GPAM: variants seen among roughly 807,000 people sequenced by gnomAD.
The protein encoded by GPAM is glycerol-3-phosphate acyltransferase 1, mitochondrial.
Under a neutral mutation model 105.0 loss-of-function variants are expected in GPAM, and 56 were observed. The ratio of observed to expected loss-of-function variants is 0.53; its 90% confidence interval spans 0.43 to 0.67. The LOEUF (loss-of-function observed/expected upper bound fraction) is 0.67. Ranked by LOEUF, GPAM falls within the 30% of genes least tolerant of loss-of-function variation. The pLI, the probability that GPAM is intolerant of heterozygous loss-of-function variation, is 0.00. For synonymous variants in GPAM, 368 were observed against 354.4 expected (o/e 1.04, Z -0.43); for missense variants, 855 against 989.8 (o/e 0.86, Z 1.83).
the GPAM span, among the ~76,000 whole-genome samples, chr10:112,222,715 T>C: frequency 6.6e-6 from 1 of 152,172 alleles, no homozygotes; most frequent in Non-Finnish European, 1.5e-5. Flanking sequence ...TATATTTGCT[T>C]GTTCAGGTGT....
At chr10:112,164,652 G>A (rs774532378) in intron 12 of GPAM, 42 bp from the exon 13 acceptor site, 18 of 995,074 alleles carry the variant, frequency 1.8e-5, no homozygotes, top group East Asian at 9.5e-5. Context: ...CCTCACTTTC[G>A]CACCAACATA....
At position 112,159,915 on chromosome 10, in the gene GPAM, G is replaced by C; in HGVS notation, c.1898C>G (p.Ser633Ter). 6.2e-7 allele frequency: 1 copy of C among 1,613,698 alleles called. No homozygotes were observed. Among genetic ancestry groups the C allele is most frequent in the Non-Finnish European group, 8.5e-7 (1 of 1,179,708 alleles). Residue 633 changes from serine (S) to a stop codon, truncating the protein, a stop_gained, in exon 17 of 22, where the codon TCA (serine) becomes TGA (stop). Coordinates refer to ENST00000348367, the MANE Select transcript of GPAM (RefSeq NM_001244949.2). LOFTEE classifies it high-confidence loss of function. ...CYLLSNEGTI[S>*]LPCQTFYQVC... is the part of the protein sequence containing the mutation. ...CACTGAAGGGTCTTCACTCACCAGTGAGATGGTGCCTTCATTGGAGAGAAG... is the reference window on the plus strand; with the variant it reads ...CACTGAAGGGTCTTCACTCACCAGTCAGATGGTGCCTTCATTGGAGAGAAG...
At chr10:112,222,618 C>A in the GPAM span, among the ~76,000 whole-genome samples, 106 of 152,296 alleles carry the variant, frequency 7.0e-4, no homozygotes, top group African/African-American at 2.4e-3. Flanking sequence ...GCTTTCCTCC[C>A]AGGGTCCCTC....
intron 1 of GPAM, among the ~76,000 whole-genome samples, chr10:112,192,450 C>T (rs985586345): frequency 3.9e-5 from 6 of 152,050 alleles, no homozygotes; most frequent in Non-Finnish European, 7.3e-5. Flanking sequence ...CAGAGGTGGC[C>T]GATATTGGAT....
At chr10:112,189,837 A>G (rs1040391598) in intron 1 of GPAM, among the ~76,000 whole-genome samples, 12 of 152,162 alleles carry the variant, frequency 7.9e-5, no homozygotes, top group African/African-American at 2.9e-4. Flanking sequence ...GATTTTGCCA[A>G]ACCTCTACCT....
At chr10:112,189,750 C>T (rs529455269) in intron 1 of GPAM, among the ~76,000 whole-genome samples, 3 of 152,174 alleles carry the variant, frequency 2.0e-5, no homozygotes, top group Non-Finnish European at 4.4e-5. Flanking sequence ...CAGCTGGCAC[C>T]GCTTCCTTTT....
At chr10:112,161,605 TG>T in intron 15 of GPAM, 61 bp downstream of exon 15, 1 of 1,353,662 alleles carries the variant, frequency 7.4e-7, no homozygotes, top group Non-Finnish European at 1.1e-6. Flanking sequence ...AGTATGTATC[TG>T]AGCAGCTGAC....
At chr10:112,159,840 CACGGGGGGTT>C in intron 17 of GPAM, 61 bp downstream of exon 17, 2 of 1,466,622 alleles carry the variant, frequency 1.4e-6, no homozygotes, top group Non-Finnish European at 1.9e-6. Context: ...AACAGAAAAA[CACGGGGGGTT>C]ACGTTTTCAT....
At chr10:112,221,544 A>C in the GPAM span, among the ~76,000 whole-genome samples, 136 of 152,322 alleles carry the variant, frequency 8.9e-4, no homozygotes, top group African/African-American at 3.2e-3. Flanking sequence ...AAATTTAAGA[A>C]TCACTGGCTC....
intron 1 of GPAM, chr10:112,214,410 C>T (rs1847946534): frequency 6.6e-6 from 1 of 152,216 alleles, no homozygotes; most frequent in South Asian, 2.1e-4. Flanking sequence ...CCATCTCCAG[C>T]CAAACCTAAC....
upstream of GPAM, among the ~76,000 whole-genome samples, chr10:112,219,486 G>A (rs1252118028): frequency 6.6e-6 from 1 of 152,196 alleles, no homozygotes; most frequent in Non-Finnish European, 1.5e-5. Context: ...AACTTCATTT[G>A]ATTTCCCTTT....
Position 112,151,927 on chromosome 10 carries a change from T to A in GPAM, c.*1623A>T, listed in dbSNP as rs1846927120. 1.0e-6 allele frequency: 1 copy of A among 976,900 alleles called. No homozygotes were observed. The highest frequency in any genetic ancestry group is 6.2e-5 in the Admixed American group (1 of 16,242). The allele number at this position is 976,900 out of a possible 1,614,324, so 60.5% of individuals were successfully genotyped here. ...ACTGACAATGACTTCATGGTATACATCAATTCCTATAAAGAAAAAATATAT... is the reference window on the plus strand; with the variant it reads ...ACTGACAATGACTTCATGGTATACAACAATTCCTATAAAGAAAAAATATAT... On this transcript the variant is annotated 3_prime_UTR_variant, in exon 22 of 22. Transcript: ENST00000348367.
intron 1 of GPAM, among the ~76,000 whole-genome samples, chr10:112,204,254 CTTTTTTTT>C (rs59433956): frequency 1.5e-5 from 2 of 132,516 alleles, no homozygotes; most frequent in African/African-American, 5.5e-5. Context: ...TTTCTTTGTT[CTTTTTTTT>C]TTTTTTTTTT....
Position 112,152,646 on chromosome 10 carries a change from A to G in GPAM, c.*904T>C, listed in dbSNP as rs368181251. ...AGCTCAAGCTAATCAAGTTAGGAAA[A>G]CTGCTATTTGGTTGGAGGATTTCCA... On this transcript the variant is annotated 3_prime_UTR_variant, in exon 22 of 22. Transcript: ENST00000348367. 2.0e-4 allele frequency: 197 copies of G among 985,382 alleles called. No individual in the cohort carries two copies. In the African/African-American group the frequency reaches 3.3e-3, roughly 16 times the overall value. The allele number at this position is 985,382 out of a possible 1,614,324, so 61.0% of individuals were successfully genotyped here.
At chr10:112,194,464 T>C (rs926836028) in intron 1 of GPAM, among the ~76,000 whole-genome samples, 14 of 152,366 alleles carry the variant, frequency 9.2e-5, no homozygotes, top group Admixed American at 8.5e-4. Flanking sequence ...GAAAACCTTT[T>C]GTTCCTAAGT....
Position 112,151,029 on chromosome 10 carries a change from T to G in GPAM, c.*2521A>C. On this transcript the variant is annotated 3_prime_UTR_variant, in exon 22 of 22. Coordinates refer to ENST00000348367, the MANE Select transcript of GPAM (RefSeq NM_001244949.2). ...CTTTGTTTTTCATGCATTTTCAGAGTGCACAACTTCCCTCCTCTCTTCTGA... is the reference window on the plus strand; with the variant it reads ...CTTTGTTTTTCATGCATTTTCAGAGGGCACAACTTCCCTCCTCTCTTCTGA... 1 of 985,728 alleles carries G rather than the reference T, an allele frequency of 1.0e-6. No individual in the cohort carries two copies. Among genetic ancestry groups the G allele is most frequent in the Non-Finnish European group, 1.2e-6 (1 of 829,838 alleles). 61.1% of individuals were successfully genotyped at this position (985,728 alleles called of 1,614,324 possible).
At chr10:112,160,504 G>T in intron 16 of GPAM, 100 bp downstream of exon 16, 2 of 1,291,272 alleles carry the variant, frequency 1.5e-6, no homozygotes, top group African/African-American at 1.5e-5. Context: ...ATTCCCTCAA[G>T]CAAGGGGCTA....
At chr10:112,196,255 T>C (rs952399431) in intron 1 of GPAM, among the ~76,000 whole-genome samples, 1 of 152,214 alleles carries the variant, frequency 6.6e-6, no homozygotes, top group Non-Finnish European at 1.5e-5. Flanking sequence ...GCTGAACTAC[T>C]TTGCAATTAG....
At chr10:112,203,065 G>A (rs1386155885) in intron 1 of GPAM, among the ~76,000 whole-genome samples, 3 of 152,142 alleles carry the variant, frequency 2.0e-5, no homozygotes, top group African/African-American at 7.2e-5. Context: ...GTTAGTGTGA[G>A]CTGGAGTGTA....
Sources: gnomAD v4.1 joint callset for allele counts (sites outside exome capture counted in the v4.1 genomes callset) on GRCh38, gnomAD v4.1.1 for gene constraint, MANE v1.5 for transcripts, NCBI Gene and HGNC (gene_info 2026-07-23, HGNC 2026-07-21) for gene names.